RBFOX1: variants seen among roughly 807,000 people sequenced by gnomAD.
RBFOX1 encodes RNA binding protein fox-1 homolog 1.
Under a neutral mutation model 57.7 loss-of-function variants are expected in RBFOX1, and 8 were observed. That is an observed-to-expected ratio of 0.14 (90% CI 0.08 to 0.25). RBFOX1 has a LOEUF of 0.25. Ranked by LOEUF, RBFOX1 falls within the 10% of genes least tolerant of loss-of-function variation. The pLI is 1.00. For missense variants in RBFOX1, 611 were observed against 548.5 expected, an observed-to-expected ratio of 1.11 and a Z score of -1.14; for synonymous variants, 326 against 222.4, an observed-to-expected ratio of 1.47 and a Z score of -4.15.
chr16:6,635,135 A>T, intron 2 of RBFOX1, among the ~76,000 whole-genome samples: 1 of 145,660 alleles, frequency 6.9e-6, no homozygotes, highest in Middle Eastern at 3.5e-3. Flanking sequence ...ATTATGTATT[A>T]TATTAAATGT....
intron 1 of RBFOX1, among the ~76,000 whole-genome samples, chr16:5,389,529 T>G (rs1407113740): frequency 2.0e-5 from 3 of 152,130 alleles, no homozygotes; most frequent in Non-Finnish European, 4.4e-5. Flanking sequence ...AGCTGAAAAT[T>G]GACATACTCC....
chr16:6,308,924 A>T (rs1020896658), intron 1 of RBFOX1, among the ~76,000 whole-genome samples: 1 of 152,006 alleles, frequency 6.6e-6, no homozygotes, highest in African/African-American at 2.4e-5. Context: ...AGCACATTTT[A>T]AGTGCCTTGT....
At chr16:7,709,215 C>A in intron 15 of RBFOX1, 84 bp downstream of exon 15, 1 of 1,278,332 alleles carries the variant, frequency 7.8e-7, no homozygotes. Flanking sequence ...GGTTGACGTC[C>A]TCTCACTTCC....
intron 2 of RBFOX1, among the ~76,000 whole-genome samples, chr16:6,502,997 G>A (rs1470102616): frequency 6.6e-6 from 1 of 152,074 alleles, no homozygotes; most frequent in Non-Finnish European, 1.5e-5. Flanking sequence ...AGATATTAAT[G>A]TATAGATAGA....
intron 3 of RBFOX1, among the ~76,000 whole-genome samples, chr16:6,734,205 A>C (rs111406048): frequency 4.6e-5 from 7 of 152,136 alleles, no homozygotes; most frequent in African/African-American, 1.4e-4. Context: ...CAGCTCTGCA[A>C]TTGTATGATG....
At chr16:7,674,155 C>A (rs903744579) in intron 13 of RBFOX1, among the ~76,000 whole-genome samples, 7 of 152,096 alleles carry the variant, frequency 4.6e-5, no homozygotes, top group Non-Finnish European at 1.0e-4. Flanking sequence ...GTATGAATTG[C>A]ATACAGAAGA....
rs562829078 is a variant in RBFOX1 at position 6,519,049 on chromosome 16, C to G, written c.-63-135554C>G. ...GAAGATAAACACTTAATTCTAACTA[C>G]TTTCTCCCTTCTCGGTGAGAAGCTG... On this transcript the variant is annotated intron_variant, in intron 2 of 15. Transcript: ENST00000550418. Among the ~76,000 whole-genome samples, 20 of 152,060 alleles carry G rather than the reference C, an allele frequency of 1.3e-4. No homozygotes were observed. In the East Asian group the frequency reaches 3.3e-3, roughly 25 times the overall value.
chr16:6,446,078 C>G (rs2094479712), intron 2 of RBFOX1, among the ~76,000 whole-genome samples: 1 of 152,186 alleles, frequency 6.6e-6, no homozygotes, highest in South Asian at 2.1e-4. Context: ...AATCCTCCCA[C>G]CTCAACCTCT....
chr16:7,475,135 A>T (rs2062381048), intron 4 of RBFOX1, among the ~76,000 whole-genome samples: 1 of 152,046 alleles, frequency 6.6e-6, no homozygotes, highest in Non-Finnish European at 1.5e-5. Context: ...TTTTCTGTAG[A>T]GGTTGTCTTT....
At position 5,638,869 on chromosome 16, in the gene RBFOX1, T is replaced by G. The variant is rs573685649; in HGVS notation, c.318+39908T>G. ...TGTGTTTTGGCACTTGTGGTTCCTC[T>G]GTGTGATAGCCTTCTTCTGAGCAAA... On this transcript the variant is annotated intron_variant, in intron 3 of 19. Coordinates refer to the RBFOX1 transcript ENST00000641259. Among the ~76,000 whole-genome samples the G allele has an allele frequency of 7.2e-5, 11 of 152,288 alleles. No individual in the cohort carries two copies. In the South Asian group the frequency reaches 2.3e-3, roughly 32 times the overall value.
At position 5,753,871 on chromosome 16, in the gene RBFOX1, C is replaced by G. The variant is rs539941880; in HGVS notation, c.319-113432C>G. Among the ~76,000 whole-genome samples, 18 of 151,172 alleles carry G rather than the reference C, an allele frequency of 1.2e-4. No homozygotes were observed. The South Asian group carries it at 3.1e-3, about 26-fold the overall frequency. On this transcript the variant is annotated intron_variant, in intron 3 of 19. Transcript: ENST00000641259. ...GAGTTTTCATTGAAAAAAAAAAACA[C>G]AAAAATCAATGATCTAAACCCTACA... is the stretch of plus-strand genomic sequence containing the variant.
At chr16:5,455,077 G>A (rs2068589503) in intron 1 of RBFOX1, among the ~76,000 whole-genome samples, 1 of 141,996 alleles carries the variant, frequency 7.0e-6, no homozygotes, top group Admixed American at 7.5e-5. Context: ...CTCTCCCTAT[G>A]TCTCTCTTCG....
At chr16:6,414,030 G>A (rs552043292) in intron 2 of RBFOX1, among the ~76,000 whole-genome samples, 27 of 152,272 alleles carry the variant, frequency 1.8e-4, no homozygotes, top group Admixed American at 1.5e-3. Context: ...GGATCGTTCC[G>A]CGCAAACACA....
intron 3 of RBFOX1, among the ~76,000 whole-genome samples, chr16:6,780,223 A>ATATTTATT: frequency 1.4e-5 from 1 of 74,072 alleles, no homozygotes; most frequent in Non-Finnish European, 2.1e-5. Flanking sequence ...ATATATTTAT[A>ATATTTATT]TATATATTTA....
intron 3 of RBFOX1, among the ~76,000 whole-genome samples, chr16:5,820,297 G>A (rs767725379): frequency 2.0e-5 from 3 of 152,152 alleles, no homozygotes; most frequent in South Asian, 2.1e-4. Context: ...GGCACATCAC[G>A]TGGAATAGGG....
chr16:5,582,141 C>A (rs1381584265), intron 2 of RBFOX1, among the ~76,000 whole-genome samples: 1 of 152,334 alleles, frequency 6.6e-6, no homozygotes, highest in East Asian at 1.9e-4. Flanking sequence ...GCCCTAATCC[C>A]AGGGACTTGT....
intron 3 of RBFOX1, among the ~76,000 whole-genome samples, chr16:6,949,683 A>T (rs1298386787): frequency 6.6e-6 from 1 of 152,048 alleles, no homozygotes; most frequent in African/African-American, 2.4e-5. Context: ...CTTTGACCTT[A>T]ATTACCTCCT....
chr16:7,324,613 CCAGT>C (rs1420044318), intron 4 of RBFOX1, among the ~76,000 whole-genome samples: 1 of 152,194 alleles, frequency 6.6e-6, no homozygotes, highest in Non-Finnish European at 1.5e-5. Flanking sequence ...GCTCATTCAG[CCAGT>C]CAGTCTGGCT....
At position 7,007,807 on chromosome 16, in the gene RBFOX1, C is replaced by T. The variant is rs1014816685; in HGVS notation, c.-15-44250C>T. Reference sequence around the variant, plus strand: ...TGGGGTAAGGCTGCTGCCATTGAAGCCTGCACGCTCCTGTGCGTTTCTGTA... The same window carrying T: ...TGGGGTAAGGCTGCTGCCATTGAAGTCTGCACGCTCCTGTGCGTTTCTGTA... On this transcript the variant is annotated intron_variant, in intron 3 of 15. Transcript: ENST00000550418. Among the ~76,000 whole-genome samples the T allele has an allele frequency of 2.0e-5, 3 of 152,176 alleles. 1 individual carries two copies. Among genetic ancestry groups the T allele is most frequent in the African/African-American group, 7.2e-5 (3 of 41,444 alleles).
Sources: gnomAD v4.1 joint callset for allele counts (sites outside exome capture counted in the v4.1 genomes callset) on GRCh38, gnomAD v4.1.1 for gene constraint, MANE v1.5 for transcripts, NCBI Gene and HGNC (gene_info 2026-07-23, HGNC 2026-07-21) for gene names.